EXT1: variants seen among roughly 807,000 people sequenced by gnomAD.
The protein encoded by EXT1 is exostosin-1.
In EXT1, 20 loss-of-function variants were observed where a neutral mutation model predicts 82.5. The observed-to-expected ratio is 0.24, with a 90% CI of 0.17 to 0.35. The LOEUF is 0.35. Ranked by LOEUF, EXT1 falls within the 10% of genes least tolerant of loss-of-function variation. The pLI, the probability that EXT1 is intolerant of heterozygous loss-of-function variation, is 1.00. For missense variants in EXT1, 757 were observed against 936.5 expected (o/e 0.81, Z 2.50); for synonymous variants, 348 against 350.8 (o/e 0.99, Z 0.09).
chr8:117,970,202 T>G (rs888038471), intron 1 of EXT1, among the ~76,000 whole-genome samples: 3 of 152,112 alleles, frequency 2.0e-5, no homozygotes, highest in African/African-American at 7.2e-5. Flanking sequence ...GGCATGACTC[T>G]CAAATTTTAG....
chr8:117,867,064 G>T (rs1403088888), intron 1 of EXT1, among the ~76,000 whole-genome samples: 1 of 151,996 alleles, frequency 6.6e-6, no homozygotes. Flanking sequence ...TTCAAGACCA[G>T]CCTGGCCAAA....
intron 7 of EXT1, among the ~76,000 whole-genome samples, chr8:117,817,346 C>T (rs1265943513): frequency 2.0e-5 from 3 of 152,096 alleles, no homozygotes; most frequent in Admixed American, 2.0e-4. Flanking sequence ...AATGGTTCAG[C>T]CTAATAAACT....
At chr8:117,887,835 C>T (rs1019189735) in intron 1 of EXT1, among the ~76,000 whole-genome samples, 3 of 151,534 alleles carry the variant, frequency 2.0e-5, no homozygotes, top group Non-Finnish European at 4.4e-5. Flanking sequence ...CCTGTAATCC[C>T]AGCACTTTGG....
intron 4 of EXT1, among the ~76,000 whole-genome samples, chr8:117,824,908 G>A (rs367553272): frequency 6.6e-6 from 1 of 151,590 alleles, no homozygotes; most frequent in Non-Finnish European, 1.5e-5. Context: ...ATTCAGTTAC[G>A]CAGGCTGGAG....
At chr8:118,096,616 GAAGGAGGAAGGAAGGAAGGAAGGA>G (rs1406557128) in intron 1 of EXT1, among the ~76,000 whole-genome samples, 4 of 49,022 alleles carry the variant, frequency 8.2e-5, no homozygotes, top group African/African-American at 5.0e-5. Context: ...AGGAAGGAAG[GAAGGAGGAAGGAAGGAAGGAAGGA>G]AGGAAGGAAG....
intron 1 of EXT1, among the ~76,000 whole-genome samples, chr8:117,924,292 A>G (rs1813915102): frequency 6.6e-6 from 1 of 152,230 alleles, no homozygotes; most frequent in African/African-American, 2.4e-5. Flanking sequence ...TCTGGTCTAG[A>G]GTTCACATAC....
chr8:117,959,035 C>G (rs975521244), intron 1 of EXT1, among the ~76,000 whole-genome samples: 1 of 152,218 alleles, frequency 6.6e-6, no homozygotes, highest in Non-Finnish European at 1.5e-5. Flanking sequence ...TAACTGCAAT[C>G]ACTAAGGGGC....
At chr8:118,091,393 T>C (rs1817521009) in intron 1 of EXT1, among the ~76,000 whole-genome samples, 1 of 152,224 alleles carries the variant, frequency 6.6e-6, no homozygotes, top group South Asian at 2.1e-4. Context: ...TATGGATATA[T>C]ACCTTCTAAA....
intron 1 of EXT1, among the ~76,000 whole-genome samples, chr8:118,021,926 C>T (rs1019587000): frequency 1.3e-5 from 2 of 152,194 alleles, no homozygotes; most frequent in East Asian, 1.9e-4. Context: ...AGTCCGAATT[C>T]CACCTGACTA....
rs1330631748 is a variant in EXT1 at position 117,980,698 on chromosome 8, G to GTTT, written c.962+129384_962+129386dup. Among the ~76,000 whole-genome samples the GTTT allele has an allele frequency of 1.1e-4, 5 of 43,850 alleles. 1 individual carries two copies. The highest frequency in any genetic ancestry group is 1.3e-4 in the Non-Finnish European group (3 of 23,456). The allele number at this position is 43,850 out of a possible 152,430, so 28.8% of individuals were successfully genotyped here. A position where few individuals can be genotyped will look rare whatever the true frequency, so the allele number is the denominator to read the frequency against. ...AGGTTTGTTTGTTCGGGTGTTGGTG[G>GTTT]TTTTTTTTTTTTTTTTTTTTTTTTT... On this transcript the variant is annotated intron_variant, in intron 1 of 10. Coordinates refer to ENST00000378204, the MANE Select transcript of EXT1 (RefSeq NM_000127.3).
chr8:117,802,429 A>C (rs1339673162), intron 10 of EXT1, among the ~76,000 whole-genome samples: 1 of 152,250 alleles, frequency 6.6e-6, no homozygotes, highest in Non-Finnish European at 1.5e-5. Flanking sequence ...CATATACTGT[A>C]ATACCATATT....
chr8:118,054,014 C>T (rs941167960), intron 1 of EXT1, among the ~76,000 whole-genome samples: 1 of 152,160 alleles, frequency 6.6e-6, no homozygotes, highest in Non-Finnish European at 1.5e-5. Flanking sequence ...GTGAAGAATG[C>T]TACCTACTGG....
intron 1 of EXT1, among the ~76,000 whole-genome samples, chr8:117,895,807 T>C (rs2129954521): frequency 6.6e-6 from 1 of 152,318 alleles, no homozygotes; most frequent in Middle Eastern, 3.4e-3. Flanking sequence ...CATGTCCTCC[T>C]TTGCTGGAGT....
chr8:117,973,582 A>G (rs1176470897), intron 1 of EXT1, among the ~76,000 whole-genome samples: 5 of 152,006 alleles, frequency 3.3e-5, no homozygotes, highest in Non-Finnish European at 7.4e-5. Context: ...CAGTCTGGGC[A>G]ACATAATGAG....
intron 1 of EXT1, among the ~76,000 whole-genome samples, chr8:117,856,447 T>A (rs567176713): frequency 2.9e-5 from 4 of 136,680 alleles, no homozygotes; most frequent in South Asian, 2.4e-4. Context: ...TTTTTTTTTT[T>A]AGTAGAGACG....
chr8:117,900,823 A>G (rs564140937), intron 1 of EXT1, among the ~76,000 whole-genome samples: 1 of 152,330 alleles, frequency 6.6e-6, no homozygotes, highest in Non-Finnish European at 1.5e-5. Context: ...GAAAAGGGAA[A>G]ATTAATTTTA....
chr8:118,041,947 CAGAAA>C (rs1563637939), intron 1 of EXT1, among the ~76,000 whole-genome samples: 1 of 81,986 alleles, frequency 1.2e-5, no homozygotes, highest in Non-Finnish European at 2.3e-5. Context: ...GACTCTGCCT[CAGAAA>C]AAAAAAAAAA....
chr8:117,943,074 A>T (rs1300899744), intron 1 of EXT1, among the ~76,000 whole-genome samples: 1 of 152,256 alleles, frequency 6.6e-6, no homozygotes, highest in Non-Finnish European at 1.5e-5. Flanking sequence ...TTTGAAATGG[A>T]TGTTTGTGAA....
intron 1 of EXT1, among the ~76,000 whole-genome samples, chr8:117,886,312 C>G (rs1419005915): frequency 6.6e-6 from 1 of 152,122 alleles, no homozygotes; most frequent in Non-Finnish European, 1.5e-5. Flanking sequence ...TGAATTCATT[C>G]TCATGGTGAA....
Sources: gnomAD v4.1 joint callset for allele counts (sites outside exome capture counted in the v4.1 genomes callset) on GRCh38, gnomAD v4.1.1 for gene constraint, MANE v1.5 for transcripts, NCBI Gene and HGNC (gene_info 2026-07-23, HGNC 2026-07-21) for gene names.